Variants in TEF observed in about 807,000 individuals in gnomAD.
TEF encodes the protein TEF transcription factor, PAR bZIP family member.
A neutral mutation model predicts 20.8 loss-of-function variants in TEF; 3 were observed. The observed-to-expected ratio is 0.14, with a 90% CI of 0.07 to 0.37. The LOEUF is 0.37. TEF is among the 10% of genes least tolerant of loss of function. The pLI is 1.00. For missense variants in TEF, 296 were observed against 397.9 expected, an observed-to-expected ratio of 0.74 and a Z score of 2.18; for synonymous variants, 180 against 171.1, an observed-to-expected ratio of 1.05 and a Z score of -0.41.
intron 1 of TEF, among the ~76,000 whole-genome samples, chr22:41,370,275 A>C (rs866120462): frequency 1.7e-3 from 223 of 132,884 alleles, no homozygotes; most frequent in Middle Eastern, 5.5e-3. Context: ...CCACCACGCC[A>C]GGCTAATTTT....
chr22:41,370,100 C>A (rs1033065091), intron 1 of TEF: 9 of 984,034 alleles, frequency 9.1e-6, no homozygotes, highest in African/African-American at 8.8e-5. Context: ...ACTCCACTTT[C>A]TTTTATTTTC....
intron 2 of TEF, among the ~76,000 whole-genome samples, chr22:41,391,640 T>G (rs1302374721): frequency 2.0e-5 from 3 of 151,170 alleles, no homozygotes; most frequent in African/African-American, 7.3e-5. Flanking sequence ...TTTTTTTTTT[T>G]TGAGAGGGAG....
At chr22:41,371,042 C>T (rs1174909248) in intron 1 of TEF, among the ~76,000 whole-genome samples, 1 of 152,214 alleles carries the variant, frequency 6.6e-6, no homozygotes, top group Non-Finnish European at 1.5e-5. Context: ...TCCTGAAAAC[C>T]ACTCTTCCTG....
intron 2 of TEF, among the ~76,000 whole-genome samples, chr22:41,391,946 G>T (rs5758324): frequency 0.4 from 60,965 of 151,898 alleles, 15,702 homozygotes; most frequent in African/African-American, 0.7. Context: ...TATATCGTTT[G>T]TATTTATCTT....
At chr22:41,394,668 T>A (rs1006207437) in intron 3 of TEF, among the ~76,000 whole-genome samples, 1 of 152,232 alleles carries the variant, frequency 6.6e-6, no homozygotes, top group Non-Finnish European at 1.5e-5. Flanking sequence ...GGGTTTCTTG[T>A]ATGTTGCCAT....
chr22:41,381,999 G>C lies in TEF; in HGVS notation c.-46G>C. On this transcript the variant is annotated 5_prime_UTR_variant, in exon 1 of 4. Transcript: ENST00000266304. ...GTCGCACGGCTCCGGCCCATCTCGG[G>C]GGGCGGGCGGGGGAGGCGAGGTGCG... The C allele has an allele frequency of 8.1e-7, 1 of 1,229,616 alleles. No individual in the cohort carries two copies. The highest frequency in any genetic ancestry group is 1.0e-6 in the Non-Finnish European group (1 of 986,586). The allele number at this position is 1,229,616 out of a possible 1,614,324, so 76.2% of individuals were successfully genotyped here.
chr22:41,388,676 T>G (rs1452643840), intron 2 of TEF, among the ~76,000 whole-genome samples: 2 of 152,080 alleles, frequency 1.3e-5, no homozygotes, highest in Admixed American at 6.6e-5. Context: ...ATTTTATCTC[T>G]GGGGGTTTGT....
Position 41,382,151 on chromosome 22 carries a change from C to A in TEF, c.107C>A (p.Pro36His). The A allele has an allele frequency of 8.1e-7, 1 of 1,241,342 alleles. No homozygotes were observed. Among genetic ancestry groups the A allele is most frequent in the East Asian group, 3.1e-5 (1 of 32,134 alleles). 76.9% of individuals were successfully genotyped at this position (1,241,342 alleles called of 1,614,324 possible). A position where few individuals can be genotyped will look rare whatever the true frequency, so the allele number is the denominator to read the frequency against. ...GAAAGGGGCCTGTCGGGGTCCTTCC[C>A]CCTGGTCCTGAAGAAGCTGATGGAG... ...AGERGLSGSF[P>H]LVLKKLMENP... The change falls in exon 1 of 4, where the codon CCC (proline) becomes CAC (histidine). Residue 36 changes from proline to histidine, a missense_variant. Coordinates refer to ENST00000266304, the MANE Select transcript of TEF (RefSeq NM_003216.4).
upstream of TEF, chr22:41,381,849 A>G (rs1286424153): frequency 1.3e-5 from 16 of 1,204,686 alleles, no homozygotes; most frequent in Admixed American, 4.3e-5. Context: ...GATCCGGGGA[A>G]GCTGGCCTGG....
At chr22:41,390,557 C>T (rs1326100012) in intron 2 of TEF, among the ~76,000 whole-genome samples, 1 of 131,314 alleles carries the variant, frequency 7.6e-6, no homozygotes, top group Non-Finnish European at 1.5e-5. Flanking sequence ...GACTGGAGTG[C>T]AGTGGTGCGA....
At chr22:41,376,818 C>T (rs2036948083) in intron 1 of TEF, among the ~76,000 whole-genome samples, 1 of 152,218 alleles carries the variant, frequency 6.6e-6, no homozygotes, top group East Asian at 1.9e-4. Flanking sequence ...TCCTCACAAC[C>T]ATCCTGTGAG....
chr22:41,394,964 G>A (rs1159092088), intron 3 of TEF, among the ~76,000 whole-genome samples: 2 of 152,128 alleles, frequency 1.3e-5, no homozygotes, highest in African/African-American at 4.8e-5. Context: ...TATTTAGATG[G>A]TACTCACTGT....
At position 41,381,957 on chromosome 22, in the gene TEF, G is replaced by A. The variant is rs932197806; in HGVS notation, c.-88G>A. On this transcript the variant is annotated 5_prime_UTR_variant, in exon 1 of 4. Coordinates refer to ENST00000266304, the MANE Select transcript of TEF (RefSeq NM_003216.4). ...GGGCGCCTGCGCAGTAGCTGCCCGT[G>A]TCGGCAGCTGCAGCGGGTCGCACGG... The A allele has an allele frequency of 1.1e-5, 14 of 1,227,350 alleles. No homozygotes were observed. The highest frequency in any genetic ancestry group is 1.6e-5 in the African/African-American group (1 of 64,106). 76.0% of individuals were successfully genotyped at this position (1,227,350 alleles called of 1,614,324 possible).
At chr22:41,389,576 G>A (rs1387708724) in intron 2 of TEF, among the ~76,000 whole-genome samples, 6 of 148,184 alleles carry the variant, frequency 4.0e-5, no homozygotes, top group Non-Finnish European at 9.0e-5. Flanking sequence ...CCGAGATGGC[G>A]CCACTGCACT....
chr22:41,384,870 C>T (rs1241533339), intron 1 of TEF, among the ~76,000 whole-genome samples: 1 of 152,186 alleles, frequency 6.6e-6, no homozygotes, highest in Non-Finnish European at 1.5e-5. Context: ...TCTCCTGCCT[C>T]AGCCTCCCAA....
intron 1 of TEF, among the ~76,000 whole-genome samples, chr22:41,371,208 T>A (rs1305667271): frequency 1.3e-5 from 2 of 152,238 alleles, no homozygotes; most frequent in Non-Finnish European, 2.9e-5. Context: ...TATACTTCCC[T>A]CTCCCATGGG....
chr22:41,379,152 T>G (rs1206849501), upstream of TEF, among the ~76,000 whole-genome samples: 1 of 150,466 alleles, frequency 6.6e-6, no homozygotes, highest in Non-Finnish European at 1.5e-5. Context: ...GCCTGGCCAA[T>G]GTGGTAAAAC....
At chr22:41,386,424 G>A (rs1312715439) in intron 1 of TEF, among the ~76,000 whole-genome samples, 1 of 149,850 alleles carries the variant, frequency 6.7e-6, no homozygotes, top group Non-Finnish European at 1.5e-5. Context: ...CTGGGCAACA[G>A]AGCGAAGCTC....
intron 1 of TEF, chr22:41,370,033 G>C (rs2036863238): frequency 1.0e-6 from 1 of 985,302 alleles, no homozygotes. Flanking sequence ...AAAGTCTGCG[G>C]AGTGTGAGAA....
Sources: gnomAD v4.1 joint callset for allele counts (sites outside exome capture counted in the v4.1 genomes callset) on GRCh38, gnomAD v4.1.1 for gene constraint, MANE v1.5 for transcripts, NCBI Gene and HGNC (gene_info 2026-07-23, HGNC 2026-07-21) for gene names.